KIFC3: variants seen among roughly 807,000 people sequenced by gnomAD.
KIFC3 encodes kinesin-like protein KIFC3.
Under a neutral mutation model 101.8 loss-of-function variants are expected in KIFC3, and 60 were observed. The ratio of observed to expected loss-of-function variants is 0.59; its 90% CI spans 0.48 to 0.73. The LOEUF is 0.73. Among genes scored for constraint, KIFC3 ranks in the 30% least tolerant of loss-of-function variants. The pLI is 0.00. For synonymous variants in KIFC3, 476 were observed against 482.7 expected, an observed-to-expected ratio of 0.99 and a Z score of 0.18; for missense variants, 966 against 1,137.1, an observed-to-expected ratio of 0.85 and a Z score of 2.16.
Position 57,798,185 on chromosome 16 carries a change from C to A in KIFC3, c.59G>T (p.Trp20Leu). ...LGATPSLRGL[W>L]RVGRAPEPEP... Reference sequence around the variant, plus strand: ...GGGCTCCGGGGCCCGGCCCACTCTCCACAGGCCCCGCAGCGAGGGCGTGGC... The same window carrying A: ...GGGCTCCGGGGCCCGGCCCACTCTCAACAGGCCCCGCAGCGAGGGCGTGGC... The change falls in exon 2 of 20, where the codon TGG becomes TTG. Residue 20 changes from tryptophan (W) to leucine (L), a missense_variant. This residue lies in a region of KIFC3 where 277 missense variants were observed against 252.5 expected (regional missense o/e 1.10). Transcript: ENST00000445690. The A allele has an allele frequency of 6.5e-7, 1 of 1,543,366 alleles. No homozygotes were observed. The highest frequency in any genetic ancestry group is 2.4e-5 in the East Asian group (1 of 41,106).
intron 1 of KIFC3, among the ~76,000 whole-genome samples, chr16:57,800,559 G>A (rs998105047): frequency 6.6e-6 from 1 of 152,200 alleles, no homozygotes; most frequent in Non-Finnish European, 1.5e-5. Context: ...GGCATTGGAG[G>A]CTGACTCCAC....
rs1364352402 is a variant in KIFC3, at chr16:57,771,645, C to T, written c.423G>A (p.Val141=). ...DLEKHRDLLM[V]ENERLRQEMR... ...TCTCCTGCCTCAGTCGCTCATTCTC[C>T]ACCATCAGCAGGTCCCGGTGCTTCT... The change falls in exon 5 of 20, where the codon GTG becomes GTA. Residue 141 remains valine (V), a synonymous_variant. Transcript: ENST00000445690. The T allele has an allele frequency of 6.2e-7, 1 of 1,613,064 alleles. No homozygotes were observed. Among genetic ancestry groups the T allele is most frequent in the Non-Finnish European group, 8.5e-7 (1 of 1,179,916 alleles).
chr16:57,775,596 CT>C, intron 3 of KIFC3: 1 of 985,774 alleles, frequency 1.0e-6, no homozygotes, highest in Non-Finnish European at 1.2e-6. Context: ...CAGGGCCTTC[CT>C]CAGGGAAGAC....
rs542720358 is a variant in KIFC3 at position 57,785,761 on chromosome 16, T to C, written c.315+9238A>G. ...CAGCAAGACAGACCACCAGGGATGATAGAGGTGCAAGCAGAGGGGGTGGGC... is the reference window on the plus strand; with the variant it reads ...CAGCAAGACAGACCACCAGGGATGACAGAGGTGCAAGCAGAGGGGGTGGGC... On this transcript the variant is annotated intron_variant, in intron 3 of 19. Transcript: ENST00000445690. The C allele has an allele frequency of 6.6e-4, 484 of 730,490 alleles. 3 individuals are homozygous for C. Among genetic ancestry groups the C allele is most frequent in the Middle Eastern group, 1.1e-3 (3 of 2,788 alleles). 45.3% of individuals were successfully genotyped at this position (730,490 alleles called of 1,614,324 possible). A position where few individuals can be genotyped will look rare whatever the true frequency, so the allele number is the denominator to read the frequency against.
intron 1 of KIFC3, among the ~76,000 whole-genome samples, chr16:57,851,605 T>G (rs1465692020): frequency 6.6e-6 from 1 of 151,840 alleles, no homozygotes. Context: ...CTCGCTCTGT[T>G]GCCAAGGCTG....
chr16:57,832,925 C>T (rs113995737), intron 1 of KIFC3, among the ~76,000 whole-genome samples: 1,644 of 152,052 alleles, frequency 0.011, 27 homozygotes, highest in African/African-American at 0.038. Context: ...ATATATAAGC[C>T]GGCCAGGCTC....
At chr16:57,824,456 G>A (rs2055418558) in intron 1 of KIFC3, among the ~76,000 whole-genome samples, 1 of 152,228 alleles carries the variant, frequency 6.6e-6, no homozygotes, top group African/African-American at 2.4e-5. Context: ...GCCAAGGCAG[G>A]TGGATCACTT....
chr16:57,833,121 G>A (rs968868567), intron 1 of KIFC3, among the ~76,000 whole-genome samples: 105 of 152,022 alleles, frequency 6.9e-4, no homozygotes, highest in Middle Eastern at 3.4e-3. Context: ...CAGAAGAATC[G>A]CTTGAACCTG....
chr16:57,765,002 G>A (rs1373167634), intron 11 of KIFC3, among the ~76,000 whole-genome samples: 13 of 151,692 alleles, frequency 8.6e-5, no homozygotes, highest in African/African-American at 3.1e-4. Context: ...GGGCCATGCA[G>A]TGGAAGGGGC....
chr16:57,802,160 C>T lies in KIFC3; in HGVS notation c.-40+210G>A, dbSNP rs782494680. On this transcript the variant is annotated intron_variant, in intron 1 of 19. Coordinates refer to ENST00000445690, the MANE Select transcript of KIFC3 (RefSeq NM_001130100.2). The surrounding 1 kb of genome is among the most constrained non-coding windows in gnomAD (Gnocchi z 5.0). Reference sequence around the variant, plus strand: ...TGGGACACGCCGCCCCTGTGCCCAGCTCCCAGCAAGGTCCTCGACTCGGGC... The same window carrying T: ...TGGGACACGCCGCCCCTGTGCCCAGTTCCCAGCAAGGTCCTCGACTCGGGC... 1.6e-4 allele frequency among the ~76,000 whole-genome samples: 25 copies of T among 152,232 alleles called. No homozygotes were observed. Among genetic ancestry groups the T allele is most frequent in the Non-Finnish European group, 3.5e-4 (24 of 68,028 alleles).
At chr16:57,825,210 ACACCTAAGTGAGGTGGAGGAGAGG>A (rs1411524003) in intron 1 of KIFC3, among the ~76,000 whole-genome samples, 10 of 152,170 alleles carry the variant, frequency 6.6e-5, no homozygotes, top group Admixed American at 3.3e-4. Context: ...AGCGAGTCCC[ACACCTAAGTGAGGTGGAGGAGAGG>A]CACCACCATC....
upstream of KIFC3, among the ~76,000 whole-genome samples, chr16:57,806,403 C>G (rs1192502008): frequency 6.6e-6 from 1 of 152,208 alleles, no homozygotes; most frequent in Non-Finnish European, 1.5e-5. Context: ...CTTTGACCCT[C>G]CCAGGCACCA....
intron 1 of KIFC3, among the ~76,000 whole-genome samples, chr16:57,827,956 T>A (rs562856970): frequency 1.3e-5 from 2 of 152,362 alleles, no homozygotes; most frequent in South Asian, 4.1e-4. Flanking sequence ...AACAACCCCT[T>A]GAGGGAAGTT....
At position 57,769,100 on chromosome 16, in the gene KIFC3, C is replaced by A. The variant is rs1203673902; in HGVS notation, c.1218+495G>T. On this transcript the variant is annotated intron_variant, in intron 9 of 19. Transcript: ENST00000445690. The surrounding 1 kb of genome is among the most constrained non-coding windows in gnomAD (Gnocchi z 4.3). ...ACAGGCTGAAGTGCAGTGGCATGATCTTGGTTCACCGCAACCTCCGCCTTC... is the reference window on the plus strand; with the variant it reads ...ACAGGCTGAAGTGCAGTGGCATGATATTGGTTCACCGCAACCTCCGCCTTC... Among the ~76,000 whole-genome samples, 1 of 152,196 alleles carries A rather than the reference C, an allele frequency of 6.6e-6. No individual in the cohort carries two copies. The highest frequency in any genetic ancestry group is 1.5e-5 in the Non-Finnish European group (1 of 68,036).
At chr16:57,842,203 A>T (rs540627928) in intron 1 of KIFC3, among the ~76,000 whole-genome samples, 8 of 152,108 alleles carry the variant, frequency 5.3e-5, no homozygotes, top group African/African-American at 1.9e-4. Flanking sequence ...CCGTCTCAAA[A>T]AAAAAAATAA....
At chr16:57,770,242 T>C (rs1299770078) in intron 7 of KIFC3, among the ~76,000 whole-genome samples, 3 of 152,228 alleles carry the variant, frequency 2.0e-5, no homozygotes, top group African/African-American at 4.8e-5. Flanking sequence ...ACAAGTGCCA[T>C]GTAGAGCTTA....
intron 16 of KIFC3, 51 bp from the exon 17 acceptor site, chr16:57,760,467 AG>A (rs782447699): frequency 6.3e-7 from 1 of 1,581,898 alleles, no homozygotes; most frequent in South Asian, 1.1e-5. Context: ...GAGGGGCAAC[AG>A]GGTCACGAGA....
In KIFC3 at chr16:57,802,138, G is replaced by A. The variant is rs1030131563; in HGVS notation, c.-40+232C>T. ...TCCCGAGGCTGCTCGGATCCCGTGG[G>A]ACACGCCGCCCCTGTGCCCAGCTCC... On this transcript the variant is annotated intron_variant, in intron 1 of 19. Coordinates refer to ENST00000445690, the MANE Select transcript of KIFC3 (RefSeq NM_001130100.2). The surrounding 1 kb of genome is among the most constrained non-coding windows in gnomAD (Gnocchi z 5.0). Among the ~76,000 whole-genome samples, 1 of 152,258 alleles carries A rather than the reference G, an allele frequency of 6.6e-6. No individual in the cohort carries two copies. The highest frequency in any genetic ancestry group is 1.5e-5 in the Non-Finnish European group (1 of 68,040).
chr16:57,838,408 C>T (rs2055739953), intron 1 of KIFC3, among the ~76,000 whole-genome samples: 1 of 152,138 alleles, frequency 6.6e-6, no homozygotes, highest in Admixed American at 6.6e-5. Flanking sequence ...CTAAACATAT[C>T]CCGGGAGTTC....
Sources: gnomAD v4.1 joint callset for allele counts (sites outside exome capture counted in the v4.1 genomes callset) on GRCh38, gnomAD v4.1.1 for gene constraint, gnomAD v4.1.1 regional missense constraint, Gnocchi (gnomAD v3.1) non-coding constraint, MANE v1.5 for transcripts, NCBI Gene and HGNC (gene_info 2026-07-23, HGNC 2026-07-21) for gene names.